ROBO1: variants seen among roughly 807,000 people sequenced by gnomAD.
ROBO1 encodes the protein roundabout homolog 1.
A neutral mutation model predicts 195.9 loss-of-function variants in ROBO1; 149 were observed. The ratio of observed to expected loss-of-function variants is 0.76; its 90% CI spans 0.67 to 0.87. ROBO1 has a LOEUF of 0.87. ROBO1 is among the 40% of genes least tolerant of loss of function. ROBO1 has a pLI of 0.00. For missense variants in ROBO1, 1,933 were observed against 2,068.3 expected, an observed-to-expected ratio of 0.93 and a Z score of 1.27; for synonymous variants, 816 against 733.2, an observed-to-expected ratio of 1.11 and a Z score of -1.82.
intron 1 of ROBO1, among the ~76,000 whole-genome samples, chr3:79,622,405 G>C (rs968532272): frequency 2.0e-5 from 3 of 152,216 alleles, no homozygotes; most frequent in Non-Finnish European, 4.4e-5. Context: ...AGCTGGTACT[G>C]GGACTCACAG....
chr3:78,826,892 A>G (rs2031662320), intron 4 of ROBO1, among the ~76,000 whole-genome samples: 1 of 152,212 alleles, frequency 6.6e-6, no homozygotes, highest in South Asian at 2.1e-4. Context: ...ACAACCTGAC[A>G]GTTGATGTTT....
intron 1 of ROBO1, among the ~76,000 whole-genome samples, chr3:79,762,192 T>C (rs1704734752): frequency 6.6e-6 from 1 of 152,220 alleles, no homozygotes; most frequent in African/African-American, 2.4e-5. Context: ...GAAGATTTGG[T>C]GTCTGGGGAG....
chr3:78,924,014 T>C (rs572027127), intron 4 of ROBO1, among the ~76,000 whole-genome samples: 120 of 152,110 alleles, frequency 7.9e-4, no homozygotes, highest in African/African-American at 2.8e-3. Flanking sequence ...GTCAACTCTG[T>C]TATCCAACAA....
At chr3:79,173,348 G>A (rs888443619) in intron 2 of ROBO1, among the ~76,000 whole-genome samples, 4 of 152,160 alleles carry the variant, frequency 2.6e-5, no homozygotes, top group African/African-American at 4.8e-5. Flanking sequence ...GGAGAGGCGC[G>A]AGTGGGAACC....
intron 2 of ROBO1, among the ~76,000 whole-genome samples, chr3:79,214,443 A>G (rs774094178): frequency 2.6e-5 from 4 of 152,058 alleles, no homozygotes; most frequent in Non-Finnish European, 5.9e-5. Context: ...CATGACTTTG[A>G]TCAAGTTATT....
At chr3:79,480,502 A>T (rs1481900297) in intron 2 of ROBO1, among the ~76,000 whole-genome samples, 1 of 151,746 alleles carries the variant, frequency 6.6e-6, no homozygotes, top group African/African-American at 2.4e-5. Flanking sequence ...GGCTAGGTAA[A>T]TTTTTTTTGT....
intron 29 of ROBO1, among the ~76,000 whole-genome samples, chr3:78,601,214 C>T (rs1703149728): frequency 6.6e-6 from 1 of 152,184 alleles, no homozygotes; most frequent in African/African-American, 2.4e-5. Flanking sequence ...AGCCTGATTT[C>T]CCTTGAAGTT....
intron 1 of ROBO1, among the ~76,000 whole-genome samples, chr3:79,665,637 G>A (rs1158930263): frequency 6.6e-6 from 1 of 151,820 alleles, no homozygotes; most frequent in Non-Finnish European, 1.5e-5. Context: ...CTCTTATAGA[G>A]ATCACCACCT....
intron 4 of ROBO1, among the ~76,000 whole-genome samples, chr3:78,925,109 A>G (rs1198574500): frequency 6.6e-6 from 1 of 152,160 alleles, no homozygotes; most frequent in African/African-American, 2.4e-5. Context: ...CTTTTACACT[A>G]TACATTTAGC....
chr3:79,547,153 C>G (rs1284440017), intron 2 of ROBO1, among the ~76,000 whole-genome samples: 2 of 130,398 alleles, frequency 1.5e-5, no homozygotes, highest in African/African-American at 6.2e-5. Flanking sequence ...CCACTGCACT[C>G]CAGCCTGGCA....
At chr3:79,283,858 C>T (rs1438808415) in intron 2 of ROBO1, among the ~76,000 whole-genome samples, 5 of 151,556 alleles carry the variant, frequency 3.3e-5, no homozygotes, top group Admixed American at 2.6e-4. Context: ...CTACCACGCC[C>T]GGCTAATTTT....
At chr3:79,521,738 CA>C (rs1941218630) in intron 2 of ROBO1, among the ~76,000 whole-genome samples, 1 of 152,082 alleles carries the variant, frequency 6.6e-6, no homozygotes, top group Non-Finnish European at 1.5e-5. Flanking sequence ...CACCACCCCC[CA>C]CCCACACACA....
chr3:78,994,565 T>C (rs929239213), intron 3 of ROBO1, among the ~76,000 whole-genome samples: 2 of 152,156 alleles, frequency 1.3e-5, no homozygotes, highest in Admixed American at 1.3e-4. Context: ...GAACTTTCAA[T>C]TGGAAATACC....
At chr3:79,485,044 G>A (rs1274835046) in intron 2 of ROBO1, among the ~76,000 whole-genome samples, 10 of 151,910 alleles carry the variant, frequency 6.6e-5, no homozygotes, top group East Asian at 1.9e-4. Flanking sequence ...GAGCCACCAT[G>A]CCCAGCCGAC....
At chr3:79,422,188 T>G (rs2038254031) in intron 2 of ROBO1, among the ~76,000 whole-genome samples, 1 of 148,462 alleles carries the variant, frequency 6.7e-6, no homozygotes, top group South Asian at 2.1e-4. Flanking sequence ...ATATATTATA[T>G]TATATATTTT....
chr3:78,764,152 C>T (rs1193277171), intron 4 of ROBO1, among the ~76,000 whole-genome samples: 1 of 152,028 alleles, frequency 6.6e-6, no homozygotes, highest in African/African-American at 2.4e-5. Context: ...ACTGTGGAGA[C>T]ATGAGAGAGA....
intron 4 of ROBO1, among the ~76,000 whole-genome samples, chr3:78,892,959 C>G (rs931064342): frequency 2.6e-5 from 4 of 152,164 alleles, no homozygotes; most frequent in African/African-American, 7.2e-5. Context: ...GACCTTTGTT[C>G]TTTCTCCCAC....
chr3:79,280,238 T>C (rs777359169), intron 2 of ROBO1, among the ~76,000 whole-genome samples: 1 of 152,136 alleles, frequency 6.6e-6, no homozygotes, highest in Non-Finnish European at 1.5e-5. Flanking sequence ...GGATATTGAA[T>C]GTTCCCAAAT....
intron 2 of ROBO1, among the ~76,000 whole-genome samples, chr3:79,588,976 C>T (rs1027575436): frequency 6.6e-6 from 1 of 151,604 alleles, no homozygotes; most frequent in Non-Finnish European, 1.5e-5. Flanking sequence ...TGACAAGTTA[C>T]ATATAGTTGC....
Sources: gnomAD v4.1 joint callset for allele counts (sites outside exome capture counted in the v4.1 genomes callset) on GRCh38, gnomAD v4.1.1 for gene constraint, MANE v1.5 for transcripts, NCBI Gene and HGNC (gene_info 2026-07-23, HGNC 2026-07-21) for gene names.